Variants in MPP7 observed in about 807,000 individuals in gnomAD.
The protein encoded by MPP7 is MAGUK p55 scaffold protein 7.
MPP7 carries 60 observed loss-of-function variants against 76.5 expected under a neutral mutation model. The ratio of observed to expected loss-of-function variants is 0.78; its 90% CI spans 0.64 to 0.97. MPP7 has a LOEUF of 0.97. Among genes scored for constraint, MPP7 ranks in the 50% least tolerant of loss-of-function variants. MPP7 has a pLI of 0.00. For synonymous variants in MPP7, 237 were observed against 244.5 expected (o/e 0.97, Z 0.29); for missense variants, 641 against 694.0 (o/e 0.92, Z 0.86).
intron 2 of MPP7, among the ~76,000 whole-genome samples, chr10:28,224,883 T>A (rs1461481997): frequency 6.6e-6 from 1 of 152,188 alleles, no homozygotes; most frequent in Non-Finnish European, 1.5e-5. Context: ...AAAAATTTTT[T>A]AATTCTAAAT....
chr10:28,226,795 C>T lies in MPP7; in HGVS notation c.37+11773G>A, dbSNP rs530047811. On this transcript the variant is annotated intron_variant, in intron 2 of 16. Coordinates refer to ENST00000683449, the MANE Select transcript of MPP7 (RefSeq NM_001318170.2). The stretch of plus-strand genomic sequence containing the variant: ...CACTCCTTACAGCAAAAGCAGAACT[C>T]GCACTATTCCCATAAAGATTCTAAA... 3.3e-5 allele frequency among the ~76,000 whole-genome samples: 5 copies of T among 152,212 alleles called. No individual in the cohort carries two copies. The East Asian group carries it at 9.7e-4, about 29-fold the overall frequency.
At chr10:28,060,309 A>C (rs1158930128) in intron 13 of MPP7, among the ~76,000 whole-genome samples, 1 of 152,220 alleles carries the variant, frequency 6.6e-6, no homozygotes, top group Non-Finnish European at 1.5e-5. Flanking sequence ...CTAACCTTTC[A>C]GTAATCTTGC....
At chr10:28,087,055 G>C (rs1047469938) in intron 12 of MPP7, among the ~76,000 whole-genome samples, 1 of 152,182 alleles carries the variant, frequency 6.6e-6, no homozygotes, top group African/African-American at 2.4e-5. Context: ...CCCAAGGAGA[G>C]GTGTTTGGGT....
chr10:28,062,301 AG>A (rs1372433610), intron 13 of MPP7, among the ~76,000 whole-genome samples: 3 of 152,184 alleles, frequency 2.0e-5, no homozygotes, highest in African/African-American at 7.2e-5. Flanking sequence ...AACTGCAAGC[AG>A]GTCATGAATG....
intron 11 of MPP7, among the ~76,000 whole-genome samples, chr10:28,117,933 G>A (rs562656345): frequency 2.0e-5 from 3 of 152,036 alleles, no homozygotes; most frequent in Non-Finnish European, 2.9e-5. Context: ...AAGAGAGACA[G>A]AGAGAGAGGA....
chr10:28,242,440 T>C (rs942765007), intron 1 of MPP7, among the ~76,000 whole-genome samples: 2 of 152,220 alleles, frequency 1.3e-5, no homozygotes, highest in African/African-American at 4.8e-5. Flanking sequence ...AGCAGACTTA[T>C]ATCTGTTAAC....
chr10:28,274,584 G>T (rs1242577306), intron 1 of MPP7, among the ~76,000 whole-genome samples: 2 of 152,030 alleles, frequency 1.3e-5, no homozygotes, highest in Non-Finnish European at 2.9e-5. Context: ...TTGGCTCCCA[G>T]AACCAACAAA....
intron 12 of MPP7, among the ~76,000 whole-genome samples, chr10:28,083,994 G>A (rs1852887726): frequency 6.6e-6 from 1 of 152,142 alleles, no homozygotes; most frequent in Non-Finnish European, 1.5e-5. Context: ...CCTTATACCA[G>A]CAATTGCTCC....
chr10:28,245,878 A>G (rs114218297), intron 1 of MPP7, among the ~76,000 whole-genome samples: 1 of 147,568 alleles, frequency 6.8e-6, no homozygotes, highest in African/African-American at 2.5e-5. Context: ...TCAACAGCAG[A>G]CTTGATCAAG....
intron 3 of MPP7, among the ~76,000 whole-genome samples, chr10:28,162,891 T>G (rs1403076354): frequency 6.6e-6 from 1 of 151,972 alleles, no homozygotes; most frequent in African/African-American, 2.4e-5. Flanking sequence ...CTCTCTCTCA[T>G]ATCTCTGCTT....
Position 28,054,264 on chromosome 10 carries a change from A to G in MPP7, c.1552-20T>C. ...TTCTTCCTACAAAAGGAAGTATTAAAAAAATAATTGGTTAACCAGGCCATT... is the reference window on the plus strand; with the variant it reads ...TTCTTCCTACAAAAGGAAGTATTAAGAAAATAATTGGTTAACCAGGCCATT... On this transcript the variant is annotated intron_variant, in intron 16 of 16. Coordinates refer to ENST00000683449, the MANE Select transcript of MPP7 (RefSeq NM_001318170.2). 6.8e-7 allele frequency: 1 copy of G among 1,481,408 alleles called. No homozygotes were observed. Among genetic ancestry groups the G allele is most frequent in the Non-Finnish European group, 9.2e-7 (1 of 1,083,826 alleles). 91.8% of individuals were successfully genotyped at this position (1,481,408 alleles called of 1,614,324 possible). A position where few individuals can be genotyped will look rare whatever the true frequency, so the allele number is the denominator to read the frequency against.
intron 3 of MPP7, among the ~76,000 whole-genome samples, chr10:28,161,125 C>A (rs141705736): frequency 2.4e-4 from 37 of 152,298 alleles, no homozygotes; most frequent in Admixed American, 2.1e-3. Context: ...TTATCATCTT[C>A]TTTTATTTAT....
chr10:28,307,383 C>T (rs1376148908), upstream of MPP7, among the ~76,000 whole-genome samples: 2 of 152,138 alleles, frequency 1.3e-5, no homozygotes, highest in East Asian at 1.9e-4. Flanking sequence ...CTGAAGTGTA[C>T]CTCCTGACAT....
chr10:28,126,746 G>C (rs1358637376), intron 6 of MPP7, among the ~76,000 whole-genome samples: 1 of 152,164 alleles, frequency 6.6e-6, no homozygotes, highest in Non-Finnish European at 1.5e-5. Context: ...TGGTAAAAAT[G>C]GTTTTGAGGC....
chr10:28,280,788 G>A (rs1220291624), intron 1 of MPP7, among the ~76,000 whole-genome samples: 1 of 152,034 alleles, frequency 6.6e-6, no homozygotes, highest in Non-Finnish European at 1.5e-5. Flanking sequence ...GCCAGACAAA[G>A]GTCACATGCG....
chr10:28,313,466 A>G (rs560005495), intron 2 of MPP7, among the ~76,000 whole-genome samples: 11 of 152,152 alleles, frequency 7.2e-5, no homozygotes, highest in African/African-American at 2.2e-4. Flanking sequence ...AGATTACACC[A>G]CTGCACTCCA....
At chr10:28,076,366 G>C (rs1489526056) in intron 12 of MPP7, among the ~76,000 whole-genome samples, 1 of 152,138 alleles carries the variant, frequency 6.6e-6, no homozygotes, top group Non-Finnish European at 1.5e-5. Flanking sequence ...GCACCATGTA[G>C]GGGCTTACAT....
At chr10:28,322,055 A>G (rs1834373626) in intron 2 of MPP7, among the ~76,000 whole-genome samples, 1 of 150,842 alleles carries the variant, frequency 6.6e-6, no homozygotes, top group Non-Finnish European at 1.5e-5. Context: ...GAAAGACATT[A>G]GATGCATTTT....
upstream of MPP7, among the ~76,000 whole-genome samples, chr10:28,303,752 T>C (rs1041394935): frequency 2.0e-5 from 3 of 152,104 alleles, no homozygotes. Flanking sequence ...TCTTTCACAA[T>C]AGAAGAAAAT....
Sources: allele counts gnomAD v4.1 joint callset (sites outside exome capture counted in the v4.1 genomes callset), GRCh38; gene constraint gnomAD v4.1.1; transcripts MANE v1.5; gene names NCBI Gene and HGNC (gene_info 2026-07-23, HGNC 2026-07-21).